STXBP5L: variants seen among roughly 807,000 people sequenced by gnomAD.
The protein encoded by STXBP5L is syntaxin binding protein 5L.
In STXBP5L, 65 loss-of-function variants were observed where a neutral mutation model predicts 144.5. The ratio of observed to expected loss-of-function variants is 0.45; its 90% CI spans 0.37 to 0.55. STXBP5L has a LOEUF of 0.55. Ranked by LOEUF, STXBP5L falls within the 20% of genes least tolerant of loss-of-function variation. The pLI, the probability that STXBP5L is intolerant of heterozygous loss-of-function variation, is 0.00. For synonymous variants in STXBP5L, 505 were observed against 469.6 expected (o/e 1.08, Z -0.97); for missense variants, 1,298 against 1,405.5 (o/e 0.92, Z 1.22).
chr3:121,340,481 A>G (rs915937964), intron 20 of STXBP5L, among the ~76,000 whole-genome samples: 2 of 45,400 alleles, frequency 4.4e-5, no homozygotes, highest in African/African-American at 1.8e-4. Flanking sequence ...TCCTTCCCCC[A>G]GCCTCCCACC....
At chr3:121,089,092 T>TAAAAAAAA (rs375977537) in intron 5 of STXBP5L, among the ~76,000 whole-genome samples, 4 of 56,152 alleles carry the variant, frequency 7.1e-5, no homozygotes, top group Admixed American at 2.8e-4. Context: ...TAGAGTATAA[T>TAAAAAAAA]AAAAAAAAAA....
At chr3:121,295,293 A>G (rs2051606067) in intron 19 of STXBP5L, among the ~76,000 whole-genome samples, 1 of 152,132 alleles carries the variant, frequency 6.6e-6, no homozygotes, top group Non-Finnish European at 1.5e-5. Flanking sequence ...GTCTATTAGT[A>G]TAGACAGACT....
chr3:121,350,653 C>A (rs1401381479), intron 20 of STXBP5L, among the ~76,000 whole-genome samples: 1 of 152,088 alleles, frequency 6.6e-6, no homozygotes, highest in Non-Finnish European at 1.5e-5. Context: ...AGGCTTTGTT[C>A]GTTTCTTTTT....
At chr3:120,982,832 G>A (rs1207292408) in intron 3 of STXBP5L, among the ~76,000 whole-genome samples, 1 of 152,136 alleles carries the variant, frequency 6.6e-6, no homozygotes, top group African/African-American at 2.4e-5. Context: ...CAATTTCCAG[G>A]CCCCTAGATG....
chr3:121,097,315 G>A (rs897154609), intron 5 of STXBP5L, among the ~76,000 whole-genome samples: 4 of 152,150 alleles, frequency 2.6e-5, no homozygotes, highest in Non-Finnish European at 4.4e-5. Context: ...CCAGGGGAGT[G>A]AACGGTTCTG....
intron 2 of STXBP5L, among the ~76,000 whole-genome samples, chr3:120,952,072 G>T (rs113259527): frequency 1.3e-5 from 2 of 149,328 alleles, no homozygotes; most frequent in Non-Finnish European, 3.0e-5. Context: ...ACCAAACACC[G>T]CATATTCTCA....
intron 19 of STXBP5L, among the ~76,000 whole-genome samples, chr3:121,288,944 GAAC>G (rs1378551004): frequency 1.3e-5 from 2 of 152,116 alleles, no homozygotes; most frequent in Non-Finnish European, 2.9e-5. Flanking sequence ...AAAAAGAAGT[GAAC>G]AACAGACACT....
chr3:121,209,740 T>C (rs527446486), intron 10 of STXBP5L, among the ~76,000 whole-genome samples: 20 of 152,358 alleles, frequency 1.3e-4, no homozygotes, highest in African/African-American at 4.3e-4. Flanking sequence ...GCTTCATCCA[T>C]GTCCCTACAA....
intron 18 of STXBP5L, among the ~76,000 whole-genome samples, 172 bp from the exon 19 acceptor site, chr3:121,279,633 A>G (rs1350227826): frequency 1.3e-5 from 2 of 151,894 alleles, no homozygotes; most frequent in Non-Finnish European, 2.9e-5. Context: ...CTATTATACG[A>G]AGACAGTTTA....
At chr3:121,062,953 T>C (rs1167197110) in intron 5 of STXBP5L, among the ~76,000 whole-genome samples, 2 of 152,208 alleles carry the variant, frequency 1.3e-5, no homozygotes, top group Non-Finnish European at 2.9e-5. Flanking sequence ...GGTTAAAACA[T>C]GCTCCTTTAG....
At chr3:121,079,423 A>C (rs1251114519) in intron 5 of STXBP5L, among the ~76,000 whole-genome samples, 1 of 152,230 alleles carries the variant, frequency 6.6e-6, no homozygotes. Flanking sequence ...TGGAGTATAG[A>C]TAAGGTTCAC....
intron 14 of STXBP5L, among the ~76,000 whole-genome samples, chr3:121,247,358 T>C (rs897365058): frequency 6.6e-6 from 1 of 152,212 alleles, no homozygotes; most frequent in African/African-American, 2.4e-5. Flanking sequence ...AAAAATAATT[T>C]CAGCTTTTAT....
At chr3:121,220,584 TATG>T (rs1466107825) in intron 10 of STXBP5L, among the ~76,000 whole-genome samples, 9 of 152,246 alleles carry the variant, frequency 5.9e-5, no homozygotes, top group African/African-American at 2.2e-4. Context: ...TTGCTTGCCA[TATG>T]ATTTCTCAGA....
intron 20 of STXBP5L, among the ~76,000 whole-genome samples, chr3:121,326,406 T>C (rs1238973696): frequency 2.0e-5 from 3 of 152,072 alleles, no homozygotes; most frequent in African/African-American, 7.2e-5. Context: ...CTTATCTTAG[T>C]TTCTGGCTTA....
At chr3:121,046,832 G>GT (rs1163332433) in intron 5 of STXBP5L, among the ~76,000 whole-genome samples, 1 of 151,754 alleles carries the variant, frequency 6.6e-6, no homozygotes, top group Admixed American at 6.6e-5. Flanking sequence ...CTTTTGTATG[G>GT]TTTTTTTGCC....
chr3:120,980,263 ACTTT>A (rs946023932), intron 3 of STXBP5L, among the ~76,000 whole-genome samples: 2 of 151,994 alleles, frequency 1.3e-5, no homozygotes, highest in Non-Finnish European at 2.9e-5. Flanking sequence ...TTAAGTAAAG[ACTTT>A]CTTTGTTGAT....
chr3:121,213,582 A>G (rs2048663419), intron 10 of STXBP5L, among the ~76,000 whole-genome samples: 1 of 152,112 alleles, frequency 6.6e-6, no homozygotes, highest in South Asian at 2.1e-4. Flanking sequence ...GTGGTGGATA[A>G]GTTTTTTGAT....
chr3:121,169,782 A>C (rs1559818724), intron 9 of STXBP5L, among the ~76,000 whole-genome samples: 1 of 152,232 alleles, frequency 6.6e-6, no homozygotes, highest in East Asian at 1.9e-4. Context: ...TGTTAGACAG[A>C]TCCATGAGAC....
intron 25 of STXBP5L, 113 bp from the exon 26 acceptor site, chr3:121,418,224 T>G: frequency 3.2e-6 from 4 of 1,241,466 alleles, no homozygotes. Flanking sequence ...AAGACTCTCT[T>G]TTAATGAGAA....
Sources: gnomAD v4.1 joint callset for allele counts (sites outside exome capture counted in the v4.1 genomes callset) on GRCh38, gnomAD v4.1.1 for gene constraint, MANE v1.5 for transcripts, NCBI Gene and HGNC (gene_info 2026-07-23, HGNC 2026-07-21) for gene names.